PIBF1: variants seen among roughly 807,000 people sequenced by gnomAD.
The protein encoded by PIBF1 is progesterone-induced-blocking factor 1.
In PIBF1, 90 loss-of-function variants were observed where a neutral mutation model predicts 112.5. That is an observed-to-expected ratio of 0.80 (90% CI 0.67 to 0.95). The LOEUF (loss-of-function observed/expected upper bound fraction) is 0.95, where lower values mean the gene tolerates loss of function less well. Among genes scored for constraint, PIBF1 ranks in the 40% least tolerant of loss-of-function variants. The pLI, the probability that PIBF1 is intolerant of heterozygous loss-of-function variation, is 0.00. For missense variants in PIBF1, 915 were observed against 852.3 expected, an observed-to-expected ratio of 1.07 and a Z score of -0.92; for synonymous variants, 301 against 288.6, an observed-to-expected ratio of 1.04 and a Z score of -0.44.
chr13:72,968,702 A>G (rs1450780631), intron 15 of PIBF1, among the ~76,000 whole-genome samples: 1 of 152,064 alleles, frequency 6.6e-6, no homozygotes, highest in African/African-American at 2.4e-5. Context: ...TAATTTTATT[A>G]AAATTAAAGA....
chr13:72,877,520 G>C (rs2039458644), intron 10 of PIBF1, among the ~76,000 whole-genome samples: 1 of 152,068 alleles, frequency 6.6e-6, no homozygotes, highest in South Asian at 2.1e-4. Flanking sequence ...CTGTCCTTCT[G>C]CTTTGGAAGG....
rs147552447 is a variant in PIBF1, at chr13:73,007,681, C to T, written c.2224-8188C>T. 6.7e-4 allele frequency among the ~76,000 whole-genome samples: 102 copies of T among 151,986 alleles called. 1 individual carries two copies. The East Asian group carries it at 0.017, about 25-fold the overall frequency. On this transcript the variant is annotated intron_variant, in intron 17 of 17. Transcript: ENST00000326291. ...AAAATTAGCCGGGCGTGGTGGCGCA[C>T]GCCTGTAATCCTAGCTACTCGGGAG... is the stretch of plus-strand genomic sequence containing the variant.
intron 14 of PIBF1, among the ~76,000 whole-genome samples, chr13:72,964,126 AAC>A (rs750415483): frequency 1.8e-4 from 28 of 152,240 alleles, no homozygotes; most frequent in Non-Finnish European, 3.1e-4. Flanking sequence ...ATGTACTATA[AAC>A]ATACAGTGGA....
At chr13:72,867,960 A>T (rs924564452) in intron 10 of PIBF1, among the ~76,000 whole-genome samples, 1 of 151,738 alleles carries the variant, frequency 6.6e-6, no homozygotes. Context: ...ATGGTTTCTA[A>T]AATTCTTTTT....
chr13:72,883,983 T>C (rs1050519681), intron 10 of PIBF1, among the ~76,000 whole-genome samples: 4 of 152,164 alleles, frequency 2.6e-5, no homozygotes, highest in Admixed American at 2.0e-4. Context: ...AAGAGTATAA[T>C]TGGATTGTTT....
At chr13:72,967,719 G>A (rs1026490861) in intron 15 of PIBF1, among the ~76,000 whole-genome samples, 2 of 151,972 alleles carry the variant, frequency 1.3e-5, no homozygotes, top group Non-Finnish European at 2.9e-5. Context: ...ATATATCAGG[G>A]TTTGCTATTA....
chr13:72,891,072 T>C (rs2040036673), intron 10 of PIBF1, among the ~76,000 whole-genome samples: 1 of 152,180 alleles, frequency 6.6e-6, no homozygotes, highest in Non-Finnish European at 1.5e-5. Flanking sequence ...TCTGTTAAAT[T>C]TTCTGTATTC....
At chr13:72,875,688 A>G (rs190630413) in intron 10 of PIBF1, among the ~76,000 whole-genome samples, 2 of 152,280 alleles carry the variant, frequency 1.3e-5, no homozygotes, top group Admixed American at 6.5e-5. Flanking sequence ...TCCTGATGAC[A>G]TATGATGCAG....
chr13:72,834,794 G>A (rs1389314156), intron 8 of PIBF1, among the ~76,000 whole-genome samples: 1 of 152,048 alleles, frequency 6.6e-6, no homozygotes, highest in African/African-American at 2.4e-5. Context: ...TGTGGCTGTG[G>A]TTGTCATGCT....
intron 16 of PIBF1, among the ~76,000 whole-genome samples, chr13:72,993,703 G>A (rs930654417): frequency 2.0e-5 from 3 of 149,528 alleles, no homozygotes; most frequent in African/African-American, 2.5e-5. Context: ...CCAAGATCAC[G>A]GCATTGCACT....
chr13:72,859,282 G>T (rs907336065), intron 10 of PIBF1, among the ~76,000 whole-genome samples: 1 of 152,094 alleles, frequency 6.6e-6, no homozygotes, highest in African/African-American at 2.4e-5. Flanking sequence ...CAGGGGTAAA[G>T]CATGGAAATG....
chr13:72,884,332 TTAA>T (rs1180379540), intron 10 of PIBF1: 1 of 152,184 alleles, frequency 6.6e-6, no homozygotes, highest in Non-Finnish European at 1.5e-5. Flanking sequence ...TGGCTTTTTA[TTAA>T]TATCGCAAGC....
intron 10 of PIBF1, among the ~76,000 whole-genome samples, chr13:72,859,834 C>G (rs1344569044): frequency 6.6e-6 from 1 of 152,102 alleles, no homozygotes; most frequent in Non-Finnish European, 1.5e-5. Flanking sequence ...GGCACCCAAG[C>G]TTTAAACTAA....
chr13:73,009,969 A>C lies in PIBF1; in HGVS notation c.2224-5900A>C, dbSNP rs995735696. 6.6e-5 allele frequency among the ~76,000 whole-genome samples: 10 copies of C among 152,288 alleles called. No homozygotes were observed. The East Asian group carries it at 9.7e-4, about 15-fold the overall frequency. On this transcript the variant is annotated intron_variant, in intron 17 of 17. Coordinates refer to ENST00000326291, the MANE Select transcript of PIBF1 (RefSeq NM_006346.4). ...CTTTTTAATGCCAAAGTTTTTATTT[A>C]CCTTCTCCCTGTAAACACATAGTAG...
intron 14 of PIBF1, among the ~76,000 whole-genome samples, chr13:72,960,246 T>G (rs568699455): frequency 6.6e-6 from 1 of 152,266 alleles, no homozygotes; most frequent in East Asian, 1.9e-4. Context: ...TAACTTTGTT[T>G]ATAATACTAA....
chr13:72,887,049 T>C (rs1437982648), intron 10 of PIBF1, among the ~76,000 whole-genome samples: 1 of 151,328 alleles, frequency 6.6e-6, no homozygotes, highest in East Asian at 1.9e-4. Context: ...CTTTTTTTTT[T>C]TTTTTCCAAC....
intron 11 of PIBF1, among the ~76,000 whole-genome samples, chr13:72,903,744 A>G (rs2040587066): frequency 6.6e-6 from 1 of 152,212 alleles, no homozygotes; most frequent in South Asian, 2.1e-4. Context: ...TAGTTTTATC[A>G]TAAAAGAAAA....
At chr13:72,982,540 T>C (rs1254860761) in intron 16 of PIBF1, among the ~76,000 whole-genome samples, 1 of 152,188 alleles carries the variant, frequency 6.6e-6, no homozygotes, top group African/African-American at 2.4e-5. Flanking sequence ...CCTATAACTT[T>C]TTAAATATTT....
At chr13:72,954,966 G>A (rs973538549) in intron 14 of PIBF1, among the ~76,000 whole-genome samples, 2 of 152,214 alleles carry the variant, frequency 1.3e-5, no homozygotes, top group Non-Finnish European at 2.9e-5. Context: ...AGAGGCTGTG[G>A]CAGAGCCACC....
Sources: gnomAD v4.1 joint callset for allele counts (sites outside exome capture counted in the v4.1 genomes callset) on GRCh38, gnomAD v4.1.1 for gene constraint, MANE v1.5 for transcripts, NCBI Gene and HGNC (gene_info 2026-07-23, HGNC 2026-07-21) for gene names.